MYT1: variants seen among roughly 807,000 people sequenced by gnomAD.
MYT1 encodes myelin transcription factor 1, also known as myelin transcription factor I.
A neutral mutation model predicts 123.0 loss-of-function variants in MYT1; 23 were observed. That is an observed-to-expected ratio of 0.19 (90% confidence interval 0.13 to 0.26). MYT1 has a LOEUF of 0.26. MYT1 is among the 10% of genes least tolerant of loss of function. The pLI, the probability that MYT1 is intolerant of heterozygous loss-of-function variation, is 1.00. For synonymous variants in MYT1, 518 were observed against 575.3 expected (o/e 0.90, Z 1.43); for missense variants, 1,125 against 1,472.5 (o/e 0.76, Z 3.86).
In MYT1 at chr20:64,212,318, C is replaced by T. The variant is rs978677883; in HGVS notation, c.1517+180C>T. Reference sequence around the variant, plus strand: ...TGGGCCTGTGTGTCCCTGCCTGGGCCGTGAGCCCGTGACCTGGGACGGGGC... The same window carrying T: ...TGGGCCTGTGTGTCCCTGCCTGGGCTGTGAGCCCGTGACCTGGGACGGGGC... On this transcript the variant is annotated intron_variant, in intron 9 of 22. Transcript: ENST00000328439. The surrounding 1 kb of genome is among the most constrained non-coding windows in gnomAD (Gnocchi z 6.8). Among the ~76,000 whole-genome samples, 5 of 152,020 alleles carry T rather than the reference C, an allele frequency of 3.3e-5. No individual in the cohort carries two copies. The highest frequency in any genetic ancestry group is 6.5e-5 in the Admixed American group (1 of 15,276).
At chr20:64,205,958 G>C (rs1223175584) in intron 6 of MYT1, among the ~76,000 whole-genome samples, 158 bp downstream of exon 6, 1 of 152,222 alleles carries the variant, frequency 6.6e-6, no homozygotes, top group African/African-American at 2.4e-5. Context: ...TCCTGGGAGA[G>C]AGGTCTGCCC....
intron 1 of MYT1, among the ~76,000 whole-genome samples, chr20:64,165,716 G>A (rs1157697971): frequency 2.0e-5 from 3 of 152,148 alleles, no homozygotes; most frequent in South Asian, 4.1e-4. Flanking sequence ...GGGGGGTTCC[G>A]TGGCTGCAGG....
intron 4 of MYT1, 135 bp downstream of exon 4, chr20:64,200,057 T>A: frequency 2.9e-6 from 3 of 1,038,652 alleles, no homozygotes; most frequent in Non-Finnish European, 4.5e-6. Context: ...CTAAGGAGAC[T>A]GCCTTTCTCC....
chr20:64,184,910 C>T (rs918223652), intron 1 of MYT1, among the ~76,000 whole-genome samples: 25 of 152,144 alleles, frequency 1.6e-4, no homozygotes, highest in African/African-American at 5.6e-4. Flanking sequence ...TACAGGTGAC[C>T]GACAAGGTCA....
At chr20:64,165,202 C>T (rs1466300848) in intron 1 of MYT1, among the ~76,000 whole-genome samples, 2 of 152,092 alleles carry the variant, frequency 1.3e-5, no homozygotes, top group South Asian at 2.1e-4. Flanking sequence ...TCATGTGTGA[C>T]CCCCACCCAA....
At chr20:64,225,605 T>C (rs990019494) in intron 16 of MYT1, among the ~76,000 whole-genome samples, 1 of 152,104 alleles carries the variant, frequency 6.6e-6, no homozygotes, top group Non-Finnish European at 1.5e-5. Flanking sequence ...AGACCTGGTG[T>C]GTATTGCCAA....
At chr20:64,197,188 G>T (rs1047032919) in intron 2 of MYT1, among the ~76,000 whole-genome samples, 7 of 152,192 alleles carry the variant, frequency 4.6e-5, no homozygotes, top group African/African-American at 1.7e-4. Flanking sequence ...GCCTGGAGTC[G>T]GCAGGTTGCA....
At position 64,186,075 on chromosome 20, in the gene MYT1, G is replaced by A. The variant is rs142889350; in HGVS notation, c.-98-3988G>A. 1.1e-4 allele frequency among the ~76,000 whole-genome samples: 17 copies of A among 152,316 alleles called. No individual in the cohort carries two copies. The highest frequency in any genetic ancestry group is 3.9e-4 in the African/African-American group (16 of 41,556). ...TGTGTTGGAGTCTCTGGCCAGTGAG[G>A]GGTGGTTCCCTCTCCTCTGGACCTT... On this transcript the variant is annotated intron_variant, in intron 1 of 22. Coordinates refer to ENST00000328439, the MANE Select transcript of MYT1 (RefSeq NM_004535.3). This position sits in a 1 kb window ranked among gnomAD's most constrained non-coding sequence, Gnocchi z 4.3.
chr20:64,170,884 TAG>T (rs71197459), intron 1 of MYT1, among the ~76,000 whole-genome samples: 516 of 19,792 alleles, frequency 0.026, 10 homozygotes, highest in Middle Eastern at 0.042. Context: ...TATATATATA[TAG>T]AGAGAGAGAG....
At position 64,202,451 on chromosome 20, in the gene MYT1, T is replaced by C. The variant is rs1055784109; in HGVS notation, c.86+2529T>C. ...AAGGTTAGGGTTGGGGTTAGCATCT[T>C]TGAGACAGCGAGGCGCTGACAACAC... On this transcript the variant is annotated intron_variant, in intron 4 of 22. Coordinates refer to ENST00000328439, the MANE Select transcript of MYT1 (RefSeq NM_004535.3). The surrounding 1 kb of genome is among the most constrained non-coding windows in gnomAD (Gnocchi z 5.0). 6.6e-6 allele frequency among the ~76,000 whole-genome samples: 1 copy of C among 152,126 alleles called. No individual in the cohort carries two copies. Among genetic ancestry groups the C allele is most frequent in the Admixed American group, 6.5e-5 (1 of 15,282 alleles).
intron 22 of MYT1, 27 bp from the exon 23 acceptor site, chr20:64,240,293 G>A (rs772886602): frequency 3.3e-5 from 53 of 1,609,884 alleles, no homozygotes; most frequent in Middle Eastern, 1.7e-4. Flanking sequence ...CATGGACGGA[G>A]CTTGCTAACC....
intron 1 of MYT1, among the ~76,000 whole-genome samples, chr20:64,177,967 C>G (rs931250880): frequency 6.6e-6 from 1 of 152,124 alleles, no homozygotes; most frequent in East Asian, 1.9e-4. Flanking sequence ...ACCTGCCCAG[C>G]CAGCTTTGGA....
chr20:64,191,085 A>T lies in MYT1; in HGVS notation c.-1+925A>T, dbSNP rs1310686995. ...TCTGGGCTCTGTGATAGGCCTGAGC[A>T]ACTGTTCTCTATTCACCCTGCTTTT... On this transcript the variant is annotated intron_variant, in intron 2 of 22. Transcript: ENST00000328439. The surrounding 1 kb of genome is among the most constrained non-coding windows in gnomAD (Gnocchi z 4.1). Among the ~76,000 whole-genome samples the T allele has an allele frequency of 6.6e-6, 1 of 152,222 alleles. No homozygotes were observed. The highest frequency in any genetic ancestry group is 6.5e-5 in the Admixed American group (1 of 15,290).
intron 1 of MYT1, among the ~76,000 whole-genome samples, chr20:64,176,916 T>G (rs1306102198): frequency 2.0e-5 from 3 of 152,272 alleles, no homozygotes; most frequent in Non-Finnish European, 1.5e-5. Flanking sequence ...TCATTATTAC[T>G]GCAGAGCAGT....
chr20:64,227,821 A>T, intron 17 of MYT1, 67 bp from the exon 18 acceptor site: 7 of 957,226 alleles, frequency 7.3e-6, no homozygotes, highest in South Asian at 1.4e-5. Context: ...GGAGAGGGTG[A>T]GATGAACGGG....
intron 2 of MYT1, among the ~76,000 whole-genome samples, chr20:64,197,937 C>T (rs1203100352): frequency 6.6e-6 from 1 of 152,176 alleles, no homozygotes; most frequent in Non-Finnish European, 1.5e-5. Context: ...TGGGCTGGGG[C>T]CGCTCCAGGT....
In MYT1 at chr20:64,240,662, G is replaced by A; in HGVS notation, c.*214G>A. 1.9e-6 allele frequency: 1 copy of A among 517,990 alleles called. No individual in the cohort carries two copies. The highest frequency in any genetic ancestry group is 3.8e-5 in the South Asian group (1 of 26,544). The allele number at this position is 517,990 out of a possible 1,614,324, so 32.1% of individuals were successfully genotyped here. ...TGGTGGCCCTATCTGTGTGCATAGG[G>A]GCACTGAAGAATTACAAAGTGATTT... On this transcript the variant is annotated 3_prime_UTR_variant, in exon 23 of 23. Coordinates refer to ENST00000328439, the MANE Select transcript of MYT1 (RefSeq NM_004535.3).
chr20:64,200,012 A>C, intron 4 of MYT1, 90 bp downstream of exon 4: 3 of 1,504,304 alleles, frequency 2.0e-6, no homozygotes, highest in Non-Finnish European at 2.8e-6. Flanking sequence ...GTCTTCTTGG[A>C]TTGACCAAAC....
rs138194325 is a variant in MYT1, at chr20:64,230,802, G to A, written c.2676-1362G>A. Among the ~76,000 whole-genome samples, 172 of 152,350 alleles carry A rather than the reference G, an allele frequency of 1.1e-3. No individual in the cohort carries two copies. The East Asian group carries it at 0.016, about 15-fold the overall frequency. Reference sequence around the variant, plus strand: ...ATGTCCTAAAAGTTTCTGAGGGCCAGGTGGGTGGGATGAGTAACAAAGGGA... The same window carrying A: ...ATGTCCTAAAAGTTTCTGAGGGCCAAGTGGGTGGGATGAGTAACAAAGGGA... On this transcript the variant is annotated intron_variant, in intron 18 of 22. Coordinates refer to ENST00000328439, the MANE Select transcript of MYT1 (RefSeq NM_004535.3).
Sources: allele counts gnomAD v4.1 joint callset (sites outside exome capture counted in the v4.1 genomes callset), GRCh38; gene constraint gnomAD v4.1.1; non-coding constraint Gnocchi (gnomAD v3.1); transcripts MANE v1.5; gene names NCBI Gene and HGNC (gene_info 2026-07-23, HGNC 2026-07-21).